KIFAP3: variants seen among roughly 807,000 people sequenced by gnomAD.
KIFAP3 encodes the protein kinesin associated protein 3, also known as kinesin-associated protein 3.
KIFAP3 carries 68 observed loss-of-function variants against 106.5 expected under a neutral mutation model. That is an observed-to-expected ratio of 0.64 (90% CI 0.53 to 0.78). The LOEUF (loss-of-function observed/expected upper bound fraction) is 0.78, where lower values mean the gene tolerates loss of function less well. KIFAP3 is among the 30% of genes least tolerant of loss of function. KIFAP3 has a pLI of 0.00. For synonymous variants in KIFAP3, 320 were observed against 311.5 expected (o/e 1.03, Z -0.29); for missense variants, 780 against 941.8 (o/e 0.83, Z 2.25).
At chr1:169,971,107 C>G (rs914034992) in intron 17 of KIFAP3, among the ~76,000 whole-genome samples, 2 of 152,100 alleles carry the variant, frequency 1.3e-5, no homozygotes, top group South Asian at 4.1e-4. Context: ...GAACTATCAA[C>G]TTACATTCTA....
intron 10 of KIFAP3, among the ~76,000 whole-genome samples, chr1:170,014,046 T>C (rs1668384073): frequency 1.3e-5 from 2 of 152,200 alleles, no homozygotes; most frequent in Admixed American, 1.3e-4. Context: ...CCTTCTGCCC[T>C]TTCCTTTTGC....
intron 19 of KIFAP3, among the ~76,000 whole-genome samples, chr1:169,929,560 GA>G: frequency 6.6e-6 from 1 of 152,132 alleles, no homozygotes; most frequent in Non-Finnish European, 1.5e-5. Context: ...GTATTGTTGA[GA>G]AAATAAAATC....
intron 11 of KIFAP3, among the ~76,000 whole-genome samples, chr1:169,989,399 T>C (rs1666991732): frequency 6.6e-6 from 1 of 152,026 alleles, no homozygotes; most frequent in Non-Finnish European, 1.5e-5. Flanking sequence ...TCGGTAAGAA[T>C]ATTATGTTTT....
rs771339518 is a variant in KIFAP3, at chr1:169,981,961, A to G, written c.1798+11T>C. 1 of 1,602,026 alleles carries G rather than the reference A, an allele frequency of 6.2e-7. No homozygotes were observed. The highest frequency in any genetic ancestry group is 1.1e-5 in the South Asian group (1 of 89,084). ...TAGACATTAACATAAAAATAAATTA[A>G]GGTTATTTACCATTTAGCAATTCAA... On this transcript the variant is annotated intron_variant, in intron 15 of 19. Coordinates refer to ENST00000361580, the MANE Select transcript of KIFAP3 (RefSeq NM_014970.4).
intron 18 of KIFAP3, among the ~76,000 whole-genome samples, chr1:169,957,345 A>G (rs753300750): frequency 5.3e-5 from 8 of 152,188 alleles, no homozygotes; most frequent in Non-Finnish European, 1.2e-4. Context: ...TCAATTATAT[A>G]AAACCTTTTA....
At chr1:169,958,264 CTTTTT>C in intron 18 of KIFAP3, 1 of 152,336 alleles carries the variant, frequency 6.6e-6, no homozygotes, top group South Asian at 2.1e-4. Context: ...TTTTTCTTTT[CTTTTT>C]TTGGTAGAGA....
intron 5 of KIFAP3, among the ~76,000 whole-genome samples, chr1:170,037,427 C>T (rs534929273): frequency 6.6e-5 from 10 of 152,196 alleles, no homozygotes; most frequent in Admixed American, 2.0e-4. Context: ...GAAAACTATG[C>T]ATTTAAAATG....
chr1:169,947,578 G>GA (rs1204035480), intron 19 of KIFAP3, among the ~76,000 whole-genome samples: 1 of 151,732 alleles, frequency 6.6e-6, no homozygotes, highest in African/African-American at 2.4e-5. Context: ...ATTATACTAT[G>GA]TTTCATAATA....
chr1:169,999,647 T>C (rs1324185192), intron 10 of KIFAP3, among the ~76,000 whole-genome samples: 1 of 152,212 alleles, frequency 6.6e-6, no homozygotes, highest in East Asian at 1.9e-4. Flanking sequence ...TCACTGGCTA[T>C]TAAACGCAGA....
intron 1 of KIFAP3, among the ~76,000 whole-genome samples, chr1:170,066,178 C>T (rs1044612915): frequency 1.2e-5 from 1 of 83,338 alleles, no homozygotes; most frequent in African/African-American, 3.9e-5. Flanking sequence ...TGCCTACACC[C>T]CCCCCCCCAT....
chr1:169,983,603 T>C (rs1408303030), intron 12 of KIFAP3, among the ~76,000 whole-genome samples: 1 of 151,890 alleles, frequency 6.6e-6, no homozygotes, highest in Non-Finnish European at 1.5e-5. Context: ...GTCAATCCTG[T>C]TTCCCAGATA....
At chr1:169,971,503 T>C (rs1429043262) in intron 17 of KIFAP3, among the ~76,000 whole-genome samples, 8 of 151,356 alleles carry the variant, frequency 5.3e-5, no homozygotes, top group Non-Finnish European at 7.4e-5. Context: ...TGTCAACGTA[T>C]CCATTTAGTT....
intron 16 of KIFAP3, among the ~76,000 whole-genome samples, chr1:169,976,357 A>G (rs1434601259): frequency 6.6e-6 from 1 of 152,192 alleles, no homozygotes; most frequent in East Asian, 1.9e-4. Context: ...AAAGGTTCCA[A>G]GAAGACTCTG....
At chr1:169,946,762 C>T (rs945798780) in intron 19 of KIFAP3, among the ~76,000 whole-genome samples, 1 of 151,942 alleles carries the variant, frequency 6.6e-6, no homozygotes. Flanking sequence ...AGTAAAAAGG[C>T]TTAAACATTT....
intron 3 of KIFAP3, among the ~76,000 whole-genome samples, chr1:170,046,020 G>C (rs1228071337): frequency 1.3e-5 from 2 of 151,898 alleles, no homozygotes; most frequent in Non-Finnish European, 2.9e-5. Flanking sequence ...AAATCAGCAT[G>C]AGAATACAGC....
intron 17 of KIFAP3, among the ~76,000 whole-genome samples, chr1:169,968,222 T>C (rs572836570): frequency 1.3e-5 from 2 of 152,070 alleles, no homozygotes; most frequent in African/African-American, 2.4e-5. Flanking sequence ...TGATTTTACA[T>C]GGAATGTGCC....
chr1:170,047,466 A>C (rs1366855597), intron 2 of KIFAP3, among the ~76,000 whole-genome samples: 1 of 151,910 alleles, frequency 6.6e-6, no homozygotes, highest in African/African-American at 2.4e-5. Context: ...CTAAAGATAC[A>C]AAAAATTTGC....
intron 19 of KIFAP3, among the ~76,000 whole-genome samples, chr1:169,936,961 T>TTATATATA (rs58498952): frequency 7.5e-5 from 11 of 145,816 alleles, no homozygotes; most frequent in African/African-American, 2.7e-4. Flanking sequence ...GGAATATATA[T>TTATATATA]TATATATATA....
At chr1:169,936,545 A>G (rs1447648180) in intron 19 of KIFAP3, among the ~76,000 whole-genome samples, 1 of 151,858 alleles carries the variant, frequency 6.6e-6, no homozygotes, top group African/African-American at 2.4e-5. Flanking sequence ...AAAAAGTTGT[A>G]TTTCAAAAAT....
Sources: gnomAD v4.1 joint callset for allele counts (sites outside exome capture counted in the v4.1 genomes callset) on GRCh38, gnomAD v4.1.1 for gene constraint, MANE v1.5 for transcripts, NCBI Gene and HGNC (gene_info 2026-07-23, HGNC 2026-07-21) for gene names.